FKBP5: variants seen among roughly 807,000 people sequenced by gnomAD.
The protein encoded by FKBP5 is peptidyl-prolyl cis-trans isomerase FKBP5.
Under a neutral mutation model 50.5 loss-of-function variants are expected in FKBP5, and 23 were observed. The observed-to-expected ratio is 0.46, with a 90% CI of 0.33 to 0.65. The LOEUF (loss-of-function observed/expected upper bound fraction) is 0.65, where lower values mean the gene tolerates loss of function less well. FKBP5 is among the 30% of genes least tolerant of loss of function. FKBP5 has a pLI of 0.02. For missense variants in FKBP5, 411 were observed against 553.1 expected (o/e 0.74, Z 2.58); for synonymous variants, 176 against 190.6 (o/e 0.92, Z 0.63).
intron 2 of FKBP5, among the ~76,000 whole-genome samples, chr6:35,696,569 T>C (rs1439842766): frequency 2.0e-5 from 3 of 151,938 alleles, no homozygotes; most frequent in Admixed American, 2.0e-4. Context: ...GTAATGTTAA[T>C]GTTTATGGAT....
At chr6:35,637,379 C>T (rs527937083) in intron 2 of FKBP5, among the ~76,000 whole-genome samples, 79 of 151,656 alleles carry the variant, frequency 5.2e-4, no homozygotes, top group Middle Eastern at 3.4e-3. Context: ...TATTGCTAAT[C>T]GCACTATTTA....
chr6:35,680,111 T>C (rs1284826307), intron 1 of FKBP5, among the ~76,000 whole-genome samples: 1 of 150,792 alleles, frequency 6.6e-6, no homozygotes, highest in African/African-American at 2.4e-5. Flanking sequence ...CTTTCTGATG[T>C]AGATGGAAAA....
chr6:35,585,087 T>G (rs1313764447), intron 8 of FKBP5: 11 of 985,002 alleles, frequency 1.1e-5, no homozygotes, highest in African/African-American at 1.7e-5. Context: ...AGCCTCTGAA[T>G]AGCTGAGCTG....
intron 5 of FKBP5, among the ~76,000 whole-genome samples, chr6:35,603,247 A>T (rs1763202133): frequency 1.3e-5 from 2 of 152,234 alleles, no homozygotes; most frequent in African/African-American, 4.8e-5. Context: ...AATGTTAGCT[A>T]TAATTATTTT....
chr6:35,619,371 A>G (rs1313035765), intron 4 of FKBP5, among the ~76,000 whole-genome samples, 161 bp from the exon 5 acceptor site: 2 of 152,164 alleles, frequency 1.3e-5, no homozygotes, highest in African/African-American at 4.8e-5. Flanking sequence ...TAGCAAAAAA[A>G]AAAAAACCCA....
At chr6:35,701,826 C>A (rs1234710484) in intron 2 of FKBP5, among the ~76,000 whole-genome samples, 1 of 151,996 alleles carries the variant, frequency 6.6e-6, no homozygotes, top group African/African-American at 2.4e-5. Context: ...CAGGTGTGAG[C>A]CACCACACCT....
intron 3 of FKBP5, among the ~76,000 whole-genome samples, chr6:35,626,104 C>A (rs535938034): frequency 1.3e-4 from 20 of 152,220 alleles, no homozygotes; most frequent in African/African-American, 4.8e-4. Flanking sequence ...TACACTTGAT[C>A]TGGACTTCAG....
intron 1 of FKBP5, among the ~76,000 whole-genome samples, chr6:35,673,675 GA>G (rs1193560269): frequency 6.6e-6 from 1 of 152,122 alleles, no homozygotes; most frequent in Non-Finnish European, 1.5e-5. Flanking sequence ...GCAGATTTTG[GA>G]GACTTGGTTT....
chr6:35,603,455 G>A (rs1763207563), intron 5 of FKBP5, among the ~76,000 whole-genome samples: 1 of 152,096 alleles, frequency 6.6e-6, no homozygotes, highest in South Asian at 2.1e-4. Context: ...TTTATTTAAT[G>A]ACTAATCTTA....
At chr6:35,635,351 A>T (rs935935427) in intron 3 of FKBP5, among the ~76,000 whole-genome samples, 2 of 152,110 alleles carry the variant, frequency 1.3e-5, no homozygotes, top group African/African-American at 4.8e-5. Flanking sequence ...ATGCACCTGT[A>T]TTCCCAGCTA....
At chr6:35,584,150 T>TA (rs1762531240) in intron 8 of FKBP5, 1 of 985,462 alleles carries the variant, frequency 1.0e-6, no homozygotes. Flanking sequence ...CGTGTCTGTT[T>TA]AACTCGCTTG....
intron 3 of FKBP5, among the ~76,000 whole-genome samples, chr6:35,635,279 G>A (rs1418788887): frequency 6.6e-6 from 1 of 152,130 alleles, no homozygotes; most frequent in African/African-American, 2.4e-5. Flanking sequence ...GGAGGCTGCA[G>A]TGGGCCGAGA....
At chr6:35,722,533 C>T (rs1029638004) in intron 1 of FKBP5, among the ~76,000 whole-genome samples, 1 of 152,180 alleles carries the variant, frequency 6.6e-6, no homozygotes, top group Non-Finnish European at 1.5e-5. Context: ...TCAACTCTTG[C>T]TGGAACACGA....
chr6:35,611,916 C>A (rs1763503792), intron 5 of FKBP5, among the ~76,000 whole-genome samples: 1 of 152,074 alleles, frequency 6.6e-6, no homozygotes, highest in South Asian at 2.1e-4. Flanking sequence ...TCAGTAAAAA[C>A]CTTTTTGAGT....
chr6:35,611,169 A>G lies in FKBP5; in HGVS notation c.508+7927T>C, dbSNP rs142702386. On this transcript the variant is annotated intron_variant, in intron 5 of 10. Coordinates refer to ENST00000357266, the MANE Select transcript of FKBP5 (RefSeq NM_004117.4). ...TGGTTCAACTTCATCAACTTTACAT[A>G]TTCCAGAAATTCTCCATAATTTCTG... is the stretch of plus-strand genomic sequence containing the variant. Among the ~76,000 whole-genome samples, 16 of 152,270 alleles carry G rather than the reference A, an allele frequency of 1.1e-4. 1 individual carries two copies. The East Asian group carries it at 3.1e-3, about 29-fold the overall frequency.
intron 1 of FKBP5, among the ~76,000 whole-genome samples, chr6:35,647,858 T>A (rs1561875761): frequency 6.6e-6 from 1 of 152,236 alleles, no homozygotes; most frequent in South Asian, 2.1e-4. Context: ...GCCTTGATAT[T>A]CTGGCCCTTA....
chr6:35,616,314 CAAAAAAAA>C lies in FKBP5; in HGVS notation c.508+2774_508+2781del, dbSNP rs34779549. ...TGGATGACAGAGCAAGACTCCATCTCAAAAAAAAAAAAAAAAAAAAAAAAAGTAAATAC... is the reference window on the plus strand; with the variant it reads ...TGGATGACAGAGCAAGACTCCATCTCAAAAAAAAAAAAAAAAAGTAAATAC... On this transcript the variant is annotated intron_variant, in intron 5 of 10. Transcript: ENST00000357266. Among the ~76,000 whole-genome samples, 40 of 57,468 alleles carry C rather than the reference CAAAAAAAA, an allele frequency of 7.0e-4. No individual in the cohort carries two copies. The East Asian group carries it at 0.011, about 15-fold the overall frequency. The allele number at this position is 57,468 out of a possible 152,430, so 37.7% of individuals were successfully genotyped here.
At chr6:35,588,216 G>A (rs936654195) in intron 7 of FKBP5, among the ~76,000 whole-genome samples, 1 of 151,746 alleles carries the variant, frequency 6.6e-6, no homozygotes, top group Non-Finnish European at 1.5e-5. Context: ...TAGTAGAGAC[G>A]GGGTTTCTCC....
Position 35,642,831 on chromosome 6 carries a change from T to G in FKBP5, c.-7A>C, listed in dbSNP as rs1437084935. 2 of 1,608,760 alleles carry G rather than the reference T, an allele frequency of 1.2e-6. No individual in the cohort carries two copies. Among genetic ancestry groups the G allele is most frequent in the Non-Finnish European group, 8.5e-7 (1 of 1,177,640 alleles). ...CACCTTCATCAGTAGTCATTGTCTT[T>G]TAAGTAGAGAACCTGGTAAGAAGAA... On this transcript the variant is annotated 5_prime_UTR_variant, in exon 2 of 11. Coordinates refer to ENST00000357266, the MANE Select transcript of FKBP5 (RefSeq NM_004117.4).
Sources: gnomAD v4.1 joint callset for allele counts (sites outside exome capture counted in the v4.1 genomes callset) on GRCh38, gnomAD v4.1.1 for gene constraint, MANE v1.5 for transcripts, NCBI Gene and HGNC (gene_info 2026-07-23, HGNC 2026-07-21) for gene names.